HMBOX1: variants seen among roughly 807,000 people sequenced by gnomAD.
HMBOX1 encodes homeobox containing 1.
Under a neutral mutation model 54.5 loss-of-function variants are expected in HMBOX1, and 14 were observed. That is an observed-to-expected ratio of 0.26 (90% CI 0.17 to 0.40). The LOEUF (loss-of-function observed/expected upper bound fraction) is 0.40, where lower values mean the gene tolerates loss of function less well. Among genes scored for constraint, HMBOX1 ranks in the 10% least tolerant of loss-of-function variants. The pLI, the probability that HMBOX1 is intolerant of heterozygous loss-of-function variation, is 1.00. For missense variants in HMBOX1, 332 were observed against 514.4 expected (o/e 0.65, Z 3.43); for synonymous variants, 160 against 181.0 (o/e 0.88, Z 0.93).
chr8:28,917,779 T>C (rs1403684106), intron 1 of HMBOX1, among the ~76,000 whole-genome samples: 2 of 152,220 alleles, frequency 1.3e-5, no homozygotes, highest in African/African-American at 4.8e-5. Flanking sequence ...TATCAAGTGC[T>C]TTTTCTTCAT....
At chr8:28,978,897 G>A (rs1410149335) in intron 3 of HMBOX1, among the ~76,000 whole-genome samples, 1 of 152,098 alleles carries the variant, frequency 6.6e-6, no homozygotes, top group Non-Finnish European at 1.5e-5. Flanking sequence ...TAATAATTGG[G>A]TACAGTTTTT....
chr8:28,960,753 CTTTTTCTTTTTCTTTTTTTTTTTTTT>C lies in HMBOX1; in HGVS notation c.-57-3052_-57-3027del, dbSNP rs1303698534. Among the ~76,000 whole-genome samples the C allele has an allele frequency of 6.6e-4, 43 of 65,644 alleles. 2 individuals carry two copies. Among genetic ancestry groups the C allele is most frequent in the Admixed American group, 2.5e-3 (13 of 5,134 alleles). The allele number at this position is 65,644 out of a possible 152,430, so 43.1% of individuals were successfully genotyped here. On this transcript the variant is annotated intron_variant, in intron 1 of 9. Coordinates refer to ENST00000287701, the MANE Select transcript of HMBOX1 (RefSeq NM_001135726.3). ...ATAATTGTAAACTTATTCTCTTTTTCTTTTTCTTTTTCTTTTTTTTTTTTTTTTTTTTTTTTTTTTTTTTTTTTTTT... is the reference window on the plus strand; with the variant it reads ...ATAATTGTAAACTTATTCTCTTTTTCTTTTTTTTTTTTTTTTTTTTTTTTT...
At chr8:28,920,831 A>G (rs1399050519) in intron 1 of HMBOX1, among the ~76,000 whole-genome samples, 3 of 152,234 alleles carry the variant, frequency 2.0e-5, no homozygotes, top group Non-Finnish European at 4.4e-5. Context: ...ATAGTGGAGA[A>G]GCTAGGGTAA....
At chr8:28,961,473 A>G (rs1451708352) in intron 1 of HMBOX1, among the ~76,000 whole-genome samples, 2 of 152,040 alleles carry the variant, frequency 1.3e-5, no homozygotes, top group African/African-American at 2.4e-5. Context: ...ACCTTTTGTG[A>G]TTGGGTTGTT....
intron 5 of HMBOX1, among the ~76,000 whole-genome samples, chr8:29,011,707 A>T (rs1197269982): frequency 2.0e-5 from 3 of 151,494 alleles, no homozygotes; most frequent in Admixed American, 6.5e-5. Context: ...GTGTTCTTCC[A>T]AAGCTGGTTT....
intron 5 of HMBOX1, 81 bp downstream of exon 5, chr8:29,009,263 T>C: frequency 1.6e-6 from 2 of 1,230,770 alleles, no homozygotes; most frequent in South Asian, 1.3e-5. Flanking sequence ...ATGTGCTAAC[T>C]TGTTCAGTAA....
intron 3 of HMBOX1, among the ~76,000 whole-genome samples, chr8:28,972,612 TG>T (rs1489277649): frequency 1.3e-5 from 2 of 152,212 alleles, no homozygotes; most frequent in Admixed American, 1.3e-4. Context: ...GATGCCAACC[TG>T]GTTTTTTCGG....
At chr8:28,979,376 G>T (rs1456613660) in intron 3 of HMBOX1, among the ~76,000 whole-genome samples, 1 of 152,196 alleles carries the variant, frequency 6.6e-6, no homozygotes, top group Non-Finnish European at 1.5e-5. Flanking sequence ...GAGGAAAAAT[G>T]AGGTCTATAA....
chr8:29,022,882 AG>A (rs892487032), intron 6 of HMBOX1, among the ~76,000 whole-genome samples: 6 of 34,070 alleles, frequency 1.8e-4, no homozygotes, highest in Non-Finnish European at 3.3e-4. Flanking sequence ...AATGGGGGGG[AG>A]GGGGGGAGGT....
In HMBOX1 at chr8:29,052,265, A is replaced by G. The variant is rs1347267646; in HGVS notation, c.*1110A>G. 2 of 152,424 alleles carry G rather than the reference A, an allele frequency of 1.3e-5. No individual in the cohort carries two copies. The highest frequency in any genetic ancestry group is 2.9e-5 in the Non-Finnish European group (2 of 68,082). 9.4% of individuals were successfully genotyped at this position (152,424 alleles called of 1,614,324 possible). ...GACACTTGCCCAGATAGGAGCAGAG[A>G]AAAGCAGGGGACGTTTCCTACTCAC... On this transcript the variant is annotated 3_prime_UTR_variant, in exon 10 of 10. Transcript: ENST00000287701.
rs1045653763 is a variant in HMBOX1 at position 29,052,275 on chromosome 8, G to C, written c.*1120G>C. 1.3e-5 allele frequency: 2 copies of C among 152,290 alleles called. No individual in the cohort carries two copies. The highest frequency in any genetic ancestry group is 1.3e-4 in the Admixed American group (2 of 15,292). 9.4% of individuals were successfully genotyped at this position (152,290 alleles called of 1,614,324 possible). On this transcript the variant is annotated 3_prime_UTR_variant, in exon 10 of 10. Coordinates refer to ENST00000287701, the MANE Select transcript of HMBOX1 (RefSeq NM_001135726.3). ...CAGATAGGAGCAGAGAAAAGCAGGGGACGTTTCCTACTCACATTGTGGCTG... is the reference window on the plus strand; with the variant it reads ...CAGATAGGAGCAGAGAAAAGCAGGGCACGTTTCCTACTCACATTGTGGCTG...
intron 1 of HMBOX1, among the ~76,000 whole-genome samples, chr8:28,893,297 C>T (rs756336970): frequency 6.6e-5 from 10 of 152,128 alleles, no homozygotes; most frequent in Non-Finnish European, 1.3e-4. Context: ...ATGTGAGAGT[C>T]ATATGGTTTA....
intron 1 of HMBOX1, among the ~76,000 whole-genome samples, chr8:28,960,549 C>T (rs974138900): frequency 6.6e-6 from 1 of 150,978 alleles, no homozygotes; most frequent in African/African-American, 2.4e-5. Flanking sequence ...TATCAAATTT[C>T]TGTTTTTTAA....
Position 28,992,726 on chromosome 8 carries a change from C to T in HMBOX1, c.586+12570C>T, listed in dbSNP as rs537982544. Reference sequence around the variant, plus strand: ...TCTACTAAAAATACAAAAAACTAGCCGGGTGTAGTGGTATGTGCCTGTAAT... The same window carrying T: ...TCTACTAAAAATACAAAAAACTAGCTGGGTGTAGTGGTATGTGCCTGTAAT... On this transcript the variant is annotated intron_variant, in intron 4 of 9. Transcript: ENST00000287701. 5.9e-5 allele frequency among the ~76,000 whole-genome samples: 9 copies of T among 151,594 alleles called. No homozygotes were observed. In the South Asian group the frequency reaches 1.3e-3, roughly 21 times the overall value.
chr8:29,015,997 G>T (rs1263000928), intron 5 of HMBOX1, among the ~76,000 whole-genome samples: 1 of 152,288 alleles, frequency 6.6e-6, no homozygotes, highest in East Asian at 1.9e-4. Flanking sequence ...AAACTTACTT[G>T]TTTAAGCAGA....
chr8:28,940,754 C>T (rs1821255841), intron 1 of HMBOX1, among the ~76,000 whole-genome samples: 1 of 152,158 alleles, frequency 6.6e-6, no homozygotes, highest in Non-Finnish European at 1.5e-5. Context: ...TATTGTAAAA[C>T]TGAATGAAAC....
intron 4 of HMBOX1, among the ~76,000 whole-genome samples, chr8:28,988,700 T>C (rs918545374): frequency 6.6e-6 from 1 of 152,222 alleles, no homozygotes; most frequent in Non-Finnish European, 1.5e-5. Context: ...AGCATCTTTT[T>C]ATATGATCAT....
At chr8:29,045,334 TTGTGTC>T (rs919352642) in intron 6 of HMBOX1, 21 bp from the exon 7 acceptor site, 1 of 1,576,530 alleles carries the variant, frequency 6.3e-7, no homozygotes, top group Non-Finnish European at 8.7e-7. Context: ...AATAAAAACT[TTGTGTC>T]TGTATCGGTT....
At chr8:28,967,100 T>C (rs1336499928) in intron 2 of HMBOX1, among the ~76,000 whole-genome samples, 1 of 152,208 alleles carries the variant, frequency 6.6e-6, no homozygotes, top group East Asian at 1.9e-4. Flanking sequence ...CAGACTAATA[T>C]CTTCCTGCAA....
Sources: allele counts gnomAD v4.1 joint callset (sites outside exome capture counted in the v4.1 genomes callset), GRCh38; gene constraint gnomAD v4.1.1; transcripts MANE v1.5; gene names NCBI Gene and HGNC (gene_info 2026-07-23, HGNC 2026-07-21).